Variants in CPA6 observed in about 807,000 individuals in gnomAD.
The protein encoded by CPA6 is carboxypeptidase B.
Under a neutral mutation model 63.3 loss-of-function variants are expected in CPA6, and 58 were observed. The ratio of observed to expected loss-of-function variants is 0.92; its 90% CI spans 0.74 to 1.14. The LOEUF (loss-of-function observed/expected upper bound fraction) is 1.14, where lower values mean the gene tolerates loss of function less well. CPA6 is among the 50% of genes most tolerant of loss of function. The pLI, the probability that CPA6 is intolerant of heterozygous loss-of-function variation, is 0.00. For synonymous variants in CPA6, 185 were observed against 179.0 expected (o/e 1.03, Z -0.27); for missense variants, 565 against 526.6 (o/e 1.07, Z -0.71).
chr8:67,655,200 C>G (rs779981642), intron 1 of CPA6, among the ~76,000 whole-genome samples: 1 of 152,124 alleles, frequency 6.6e-6, no homozygotes, highest in Non-Finnish European at 1.5e-5. Flanking sequence ...TATTGATACA[C>G]TTTGATCATT....
At chr8:67,510,270 T>TA (rs1215554597) in intron 4 of CPA6, among the ~76,000 whole-genome samples, 2 of 152,078 alleles carry the variant, frequency 1.3e-5, no homozygotes, top group Non-Finnish European at 2.9e-5. Context: ...TTATAAGGTG[T>TA]AAAAAAACAA....
intron 2 of CPA6, among the ~76,000 whole-genome samples, chr8:67,619,041 C>T (rs370875629): frequency 7.1e-4 from 108 of 152,346 alleles, no homozygotes; most frequent in Non-Finnish European, 1.3e-3. Flanking sequence ...TTTGTAACAG[C>T]AGTTCTATGT....
intron 4 of CPA6, among the ~76,000 whole-genome samples, chr8:67,510,915 A>C (rs998215669): frequency 6.6e-6 from 1 of 152,226 alleles, no homozygotes; most frequent in Non-Finnish European, 1.5e-5. Flanking sequence ...CTATGGGGGC[A>C]TGTAATTCAC....
At chr8:67,523,792 C>T (rs1332157877) in intron 2 of CPA6, among the ~76,000 whole-genome samples, 3 of 152,186 alleles carry the variant, frequency 2.0e-5, no homozygotes, top group African/African-American at 7.2e-5. Flanking sequence ...CAGTGTCCTC[C>T]AGAAGCTTCA....
At chr8:67,457,928 T>C (rs981511704) in intron 8 of CPA6, among the ~76,000 whole-genome samples, 2 of 152,140 alleles carry the variant, frequency 1.3e-5, no homozygotes, top group African/African-American at 4.8e-5. Context: ...ATTTCCTCTC[T>C]TGAAACCTAT....
At chr8:67,564,173 G>C (rs1813281647) in intron 2 of CPA6, among the ~76,000 whole-genome samples, 1 of 152,130 alleles carries the variant, frequency 6.6e-6, no homozygotes. Flanking sequence ...CATCTTGTTG[G>C]CAAGACAAAA....
At chr8:67,654,352 C>T (rs1171855883) in intron 1 of CPA6, among the ~76,000 whole-genome samples, 6 of 152,262 alleles carry the variant, frequency 3.9e-5, no homozygotes, top group Middle Eastern at 3.4e-3. Flanking sequence ...TAGTAGAATT[C>T]GGCTGTGAAT....
rs948251706 is a variant in CPA6, at chr8:67,422,472, C to G, written c.*32G>C. On this transcript the variant is annotated 3_prime_UTR_variant, in exon 11 of 11. Transcript: ENST00000297770. ...GGGCCAAGTAGGCCTTGCTCAGAAT[C>G]CTATGGCAGTTGACCTGAGCCTTGG... 3.6e-5 allele frequency: 58 copies of G among 1,593,228 alleles called. No individual in the cohort carries two copies. The highest frequency in any genetic ancestry group is 4.8e-5 in the Non-Finnish European group (56 of 1,165,162).
At chr8:67,546,484 C>A (rs1292910212) in intron 2 of CPA6, among the ~76,000 whole-genome samples, 2 of 152,284 alleles carry the variant, frequency 1.3e-5, no homozygotes, top group East Asian at 3.9e-4. Flanking sequence ...CTGTTTCTTC[C>A]TTTTCCCATA....
chr8:67,671,227 G>A (rs1816336785), intron 1 of CPA6, among the ~76,000 whole-genome samples: 1 of 152,138 alleles, frequency 6.6e-6, no homozygotes, highest in East Asian at 1.9e-4. Context: ...TCAGATTAGG[G>A]GCTCATTAAA....
At chr8:67,588,095 A>C (rs949766104) in intron 2 of CPA6, among the ~76,000 whole-genome samples, 1 of 152,184 alleles carries the variant, frequency 6.6e-6, no homozygotes, top group Non-Finnish European at 1.5e-5. Flanking sequence ...GGGGATTGCT[A>C]TTCCTAGATT....
intron 1 of CPA6, among the ~76,000 whole-genome samples, chr8:67,634,230 T>A (rs1248827002): frequency 5.2e-4 from 76 of 146,880 alleles, no homozygotes; most frequent in East Asian, 2.0e-4. Flanking sequence ...TTTATTTGTT[T>A]TTTTTTTGAG....
intron 10 of CPA6, among the ~76,000 whole-genome samples, chr8:67,425,861 G>A (rs141297173): frequency 8.6e-5 from 13 of 151,844 alleles, no homozygotes; most frequent in East Asian, 5.8e-4. Context: ...GTTACATCAC[G>A]GTGATGTGAC....
intron 2 of CPA6, among the ~76,000 whole-genome samples, chr8:67,576,756 T>A (rs1813636305): frequency 1.3e-5 from 2 of 152,360 alleles, no homozygotes; most frequent in East Asian, 3.9e-4. Flanking sequence ...TGCATTCTTA[T>A]CACTTTACAA....
intron 2 of CPA6, among the ~76,000 whole-genome samples, chr8:67,590,230 T>G (rs1214156936): frequency 6.6e-6 from 1 of 151,916 alleles, no homozygotes. Context: ...CATCATTTTT[T>G]ATGGCTGCAT....
At chr8:67,733,359 A>T (rs898105863) in intron 1 of CPA6, among the ~76,000 whole-genome samples, 1 of 151,844 alleles carries the variant, frequency 6.6e-6, no homozygotes, top group African/African-American at 2.4e-5. Context: ...GGTGGTGCTG[A>T]TGTTGCTGGT....
At chr8:67,697,761 C>G (rs184837889) in intron 1 of CPA6, among the ~76,000 whole-genome samples, 155 of 119,182 alleles carry the variant, frequency 1.3e-3, no homozygotes, top group African/African-American at 6.6e-3. Context: ...ATGTTGCAGT[C>G]GCAGGAAAAA....
chr8:67,713,259 A>C (rs1817311215), intron 1 of CPA6, among the ~76,000 whole-genome samples: 1 of 151,396 alleles, frequency 6.6e-6, no homozygotes, highest in Admixed American at 6.6e-5. Context: ...AGGATTTAAT[A>C]TTTTCAGACC....
At chr8:67,545,580 T>TTTG (rs1812798680) in intron 2 of CPA6, among the ~76,000 whole-genome samples, 3 of 125,632 alleles carry the variant, frequency 2.4e-5, no homozygotes, top group Non-Finnish European at 1.7e-5. Flanking sequence ...TTTTTTTTTT[T>TTTG]TTTTGAGATG....
Sources: gnomAD v4.1 joint callset for allele counts (sites outside exome capture counted in the v4.1 genomes callset) on GRCh38, gnomAD v4.1.1 for gene constraint, MANE v1.5 for transcripts, NCBI Gene and HGNC (gene_info 2026-07-23, HGNC 2026-07-21) for gene names.